LUZP2: variants seen among roughly 807,000 people sequenced by gnomAD.
LUZP2 encodes leucine zipper protein 2.
In LUZP2, 52 loss-of-function variants were observed where a neutral mutation model predicts 51.6. The ratio of observed to expected loss-of-function variants is 1.01; its 90% CI spans 0.81 to 1.27. The LOEUF (loss-of-function observed/expected upper bound fraction) is 1.27, where lower values mean the gene tolerates loss of function less well. LUZP2 is among the 50% of genes most tolerant of loss of function. LUZP2 has a pLI of 0.00. For missense variants in LUZP2, 436 were observed against 395.4 expected (o/e 1.10, Z -0.87); for synonymous variants, 154 against 137.3 (o/e 1.12, Z -0.85).
At chr11:24,562,940 T>G (rs758522223) in intron 1 of LUZP2, among the ~76,000 whole-genome samples, 1 of 151,848 alleles carries the variant, frequency 6.6e-6, no homozygotes, top group Non-Finnish European at 1.5e-5. Context: ...AGGGTAAGAT[T>G]GTGGGGCCTA....
chr11:24,521,463 C>T (rs1850641511), intron 1 of LUZP2, among the ~76,000 whole-genome samples: 2 of 151,680 alleles, frequency 1.3e-5, no homozygotes, highest in Non-Finnish European at 2.9e-5. Context: ...AGGACTCAGT[C>T]CCTAAAGCAA....
chr11:24,864,834 C>T (rs1252125024), intron 5 of LUZP2, among the ~76,000 whole-genome samples: 1 of 152,152 alleles, frequency 6.6e-6, no homozygotes, highest in South Asian at 2.1e-4. Context: ...CAATCTAAAA[C>T]TGGAGCTGCT....
chr11:25,071,402 A>C (rs1320581892), intron 10 of LUZP2, among the ~76,000 whole-genome samples: 1 of 151,384 alleles, frequency 6.6e-6, no homozygotes, highest in Non-Finnish European at 1.5e-5. Flanking sequence ...TAATAATAAT[A>C]AAATTAAAAA....
intron 5 of LUZP2, among the ~76,000 whole-genome samples, chr11:24,827,503 A>G (rs955867465): frequency 6.6e-6 from 1 of 152,204 alleles, no homozygotes; most frequent in African/African-American, 2.4e-5. Context: ...ATCAGATGTT[A>G]ACTAAATAAT....
chr11:24,673,219 A>G (rs1295794099), intron 1 of LUZP2, among the ~76,000 whole-genome samples: 1 of 152,210 alleles, frequency 6.6e-6, no homozygotes, highest in African/African-American at 2.4e-5. Flanking sequence ...GAATATAAGC[A>G]TAGAAAAGGT....
At position 24,603,638 on chromosome 11, in the gene LUZP2, G is replaced by A. The variant is rs188891001; in HGVS notation, c.62+106333G>A. ...CATATAAATATAAGTATACAATCCTGTATGTAAATATGCATTGTTGTTCTG... is the reference window on the plus strand; with the variant it reads ...CATATAAATATAAGTATACAATCCTATATGTAAATATGCATTGTTGTTCTG... On this transcript the variant is annotated intron_variant, in intron 1 of 11. Coordinates refer to ENST00000336930, the MANE Select transcript of LUZP2 (RefSeq NM_001009909.4). Among the ~76,000 whole-genome samples the A allele has an allele frequency of 2.7e-3, 415 of 151,918 alleles. 3 individuals are homozygous for A. The highest frequency in any genetic ancestry group is 9.3e-3 in the African/African-American group (387 of 41,512).
At chr11:24,957,852 C>T (rs1227349743) in intron 7 of LUZP2, among the ~76,000 whole-genome samples, 1 of 152,106 alleles carries the variant, frequency 6.6e-6, no homozygotes, top group Non-Finnish European at 1.5e-5. Flanking sequence ...GCACTGCACC[C>T]ACTAACTCGT....
At chr11:24,658,179 A>G (rs564347489) in intron 1 of LUZP2, among the ~76,000 whole-genome samples, 3 of 152,340 alleles carry the variant, frequency 2.0e-5, no homozygotes, top group East Asian at 3.9e-4. Flanking sequence ...AAACTATGCT[A>G]CAAGGCTACA....
At chr11:24,806,962 A>AT (rs1849871656) in intron 5 of LUZP2, among the ~76,000 whole-genome samples, 1 of 142,006 alleles carries the variant, frequency 7.0e-6, no homozygotes, top group South Asian at 2.2e-4. Flanking sequence ...GTTCATTAAC[A>AT]TTTTTATTAA....
chr11:24,831,038 A>C (rs1255489510), intron 5 of LUZP2, among the ~76,000 whole-genome samples: 2 of 152,086 alleles, frequency 1.3e-5, no homozygotes, highest in Admixed American at 6.6e-5. Context: ...AAAGAAGAAG[A>C]AGCAAGGCTA....
chr11:24,833,740 A>G (rs1428455567), intron 5 of LUZP2, among the ~76,000 whole-genome samples: 1 of 145,870 alleles, frequency 6.9e-6, no homozygotes, highest in Non-Finnish European at 1.5e-5. Flanking sequence ...ACTTGATTCC[A>G]TTGTGCAAAC....
At chr11:24,720,397 A>G (rs890829748) in intron 1 of LUZP2, among the ~76,000 whole-genome samples, 1 of 152,254 alleles carries the variant, frequency 6.6e-6, no homozygotes, top group Non-Finnish European at 1.5e-5. Flanking sequence ...TGAATCTAGC[A>G]GAAGTATACA....
intron 1 of LUZP2, among the ~76,000 whole-genome samples, chr11:24,618,124 C>T (rs1854354536): frequency 2.0e-5 from 3 of 152,132 alleles, no homozygotes; most frequent in Admixed American, 2.0e-4. Flanking sequence ...GTGGCCTACA[C>T]TGATACCACT....
intron 2 of LUZP2, among the ~76,000 whole-genome samples, chr11:24,730,618 A>C (rs1229261170): frequency 6.6e-6 from 1 of 151,814 alleles, no homozygotes; most frequent in African/African-American, 2.4e-5. Context: ...ACTGGGAAGA[A>C]TACAAAGAAA....
At chr11:24,878,100 GTTTT>G (rs368516003) in intron 5 of LUZP2, among the ~76,000 whole-genome samples, 1 of 96,656 alleles carries the variant, frequency 1.0e-5, no homozygotes, top group Non-Finnish European at 2.1e-5. Flanking sequence ...AATATTCTGT[GTTTT>G]TTTTTTTTTT....
chr11:25,036,759 A>G (rs958239859), intron 9 of LUZP2, among the ~76,000 whole-genome samples: 1 of 151,914 alleles, frequency 6.6e-6, no homozygotes, highest in African/African-American at 2.4e-5. Context: ...TTTAATTTTC[A>G]TGCGTTGAGA....
intron 1 of LUZP2, among the ~76,000 whole-genome samples, chr11:24,562,275 A>G (rs943838542): frequency 1.3e-5 from 2 of 152,172 alleles, no homozygotes; most frequent in African/African-American, 4.8e-5. Context: ...CTTATACCAC[A>G]ATATAAAATG....
chr11:24,561,863 C>T (rs781508707), intron 1 of LUZP2, among the ~76,000 whole-genome samples: 6 of 137,974 alleles, frequency 4.3e-5, no homozygotes, highest in Non-Finnish European at 9.4e-5. Flanking sequence ...AAGGAAAGCA[C>T]TAGATGTAGA....
intron 1 of LUZP2, among the ~76,000 whole-genome samples, chr11:24,636,097 G>C (rs983965813): frequency 2.2e-4 from 33 of 152,160 alleles, no homozygotes; most frequent in Non-Finnish European, 2.5e-4. Context: ...AAAATAAGTG[G>C]GGTTTGTCTG....
Sources: allele counts gnomAD v4.1 joint callset (sites outside exome capture counted in the v4.1 genomes callset), GRCh38; gene constraint gnomAD v4.1.1; transcripts MANE v1.5; gene names NCBI Gene and HGNC (gene_info 2026-07-23, HGNC 2026-07-21).